The following SMYD2 variants were observed in gnomAD, a reference collection of about 807,000 sequenced individuals.
SMYD2 encodes SET and MYND domain containing 2, also known as N-lysine methyltransferase SMYD2.
In SMYD2, 53 loss-of-function variants were observed where a neutral mutation model predicts 59.1. The observed-to-expected ratio is 0.90, with a 90% CI of 0.72 to 1.13. The LOEUF is 1.13. Among genes scored for constraint, SMYD2 ranks in the 50% most tolerant of loss-of-function variants. The pLI, the probability that SMYD2 is intolerant of heterozygous loss-of-function variation, is 0.00. For missense variants in SMYD2, 494 were observed against 544.7 expected, an observed-to-expected ratio of 0.91 and a Z score of 0.93; for synonymous variants, 208 against 198.8, an observed-to-expected ratio of 1.05 and a Z score of -0.39.
Position 214,318,105 on chromosome 1 carries a change from G to A in SMYD2, c.375G>A (p.Ser125=), listed in dbSNP as rs773391985. ...KQKIHPERTP[S]EKLLAVKEFE... ...AAATCCACCCAGAGAGAACACCTTCGGAAAAATTGTTAGCTGTGAAGGAGT... is the reference window on the plus strand; with the variant it reads ...AAATCCACCCAGAGAGAACACCTTCAGAAAAATTGTTAGCTGTGAAGGAGT... The change falls in exon 4 of 12, where the codon TCG becomes TCA. Residue 125 remains serine (S), a synonymous_variant. Coordinates refer to ENST00000366957, the MANE Select transcript of SMYD2 (RefSeq NM_020197.3). This position sits in a 1 kb window ranked among gnomAD's most constrained non-coding sequence, Gnocchi z 5.4. 7.4e-6 allele frequency: 12 copies of A among 1,613,770 alleles called. No individual in the cohort carries two copies. Among genetic ancestry groups the A allele is most frequent in the South Asian group, 5.5e-5 (5 of 90,998 alleles).
intron 10 of SMYD2, chr1:214,332,700 C>G (rs1256567526): frequency 6.5e-6 from 1 of 153,426 alleles, no homozygotes; most frequent in Non-Finnish European, 1.5e-5. Context: ...ACAAAAATTG[C>G]TTTTTAATTT....
chr1:214,313,600 T>G (rs765625283), intron 2 of SMYD2, among the ~76,000 whole-genome samples: 1 of 152,154 alleles, frequency 6.6e-6, no homozygotes, highest in Non-Finnish European at 1.5e-5. Flanking sequence ...CTGTCATTTC[T>G]TACCCCATCA....
At position 214,332,088 on chromosome 1, in the gene SMYD2, C is replaced by G; in HGVS notation, c.1008C>G (p.Asn336Lys). The change falls in exon 10 of 12, where the codon AAC becomes AAG. Residue 336 changes from asparagine to lysine, a missense_variant. By Grantham distance (94) the Asn-to-Lys change is moderately conservative. Coordinates refer to ENST00000366957, the MANE Select transcript of SMYD2 (RefSeq NM_020197.3). ...EKMSSVFEDS[N>K]VYMLHMMYQA... Reference sequence around the variant, plus strand: ...TGAGCTCTGTGTTTGAGGACAGTAACGTGTACATGTTGCACATGATGTACC... The same window carrying G: ...TGAGCTCTGTGTTTGAGGACAGTAAGGTGTACATGTTGCACATGATGTACC... 1 of 1,614,118 alleles carries G rather than the reference C, an allele frequency of 6.2e-7. No individual in the cohort carries two copies. Among genetic ancestry groups the G allele is most frequent in the South Asian group, 1.1e-5 (1 of 91,076 alleles).
chr1:214,302,817 C>T (rs1056998339), intron 1 of SMYD2, among the ~76,000 whole-genome samples: 1 of 152,176 alleles, frequency 6.6e-6, no homozygotes, highest in Non-Finnish European at 1.5e-5. Flanking sequence ...AACTTTACTA[C>T]TGGTTTCTGT....
chr1:214,297,573 T>C (rs750814530), intron 1 of SMYD2, among the ~76,000 whole-genome samples: 9 of 152,152 alleles, frequency 5.9e-5, no homozygotes, highest in Non-Finnish European at 1.3e-4. Flanking sequence ...CAAGCACATA[T>C]ACTGCACATA....
At chr1:214,326,797 C>A (rs1657271100) in intron 6 of SMYD2, among the ~76,000 whole-genome samples, 2 of 152,112 alleles carry the variant, frequency 1.3e-5, no homozygotes, top group Non-Finnish European at 1.5e-5. Context: ...GCCACCAGAG[C>A]AATGACACAC....
chr1:214,309,480 A>G (rs897077967), intron 2 of SMYD2, among the ~76,000 whole-genome samples: 6 of 152,224 alleles, frequency 3.9e-5, no homozygotes, highest in Non-Finnish European at 8.8e-5. Context: ...TCTTAACTCT[A>G]ATGAATGTAA....
intron 5 of SMYD2, among the ~76,000 whole-genome samples, chr1:214,319,903 T>G (rs1208836512): frequency 6.6e-6 from 1 of 152,240 alleles, no homozygotes; most frequent in Non-Finnish European, 1.5e-5. Context: ...TGTCTTAGAA[T>G]AGAATAAGCA....
intron 1 of SMYD2, 44 bp from the exon 2 acceptor site, chr1:214,305,143 G>A (rs992059764): frequency 2.5e-6 from 4 of 1,577,914 alleles, no homozygotes; most frequent in East Asian, 2.2e-5. Flanking sequence ...ACAGCTTCAC[G>A]TTTCTGTGTC....
chr1:214,310,091 A>G (rs1248709024), intron 2 of SMYD2, among the ~76,000 whole-genome samples: 2 of 152,238 alleles, frequency 1.3e-5, no homozygotes, highest in African/African-American at 4.8e-5. Context: ...TCATGATGAA[A>G]ATCCAGTCTC....
chr1:214,282,711 GA>G (rs1656469946), intron 1 of SMYD2, among the ~76,000 whole-genome samples: 1 of 151,990 alleles, frequency 6.6e-6, no homozygotes, highest in Non-Finnish European at 1.5e-5. Flanking sequence ...CGCTTGGGGG[GA>G]CCTGGAAAGG....
At position 214,291,720 on chromosome 1, in the gene SMYD2, C is replaced by T. The variant is rs562071774; in HGVS notation, c.173+10293C>T. On this transcript the variant is annotated intron_variant, in intron 1 of 11. Transcript: ENST00000366957. ...AGGAAAGACATCACATCTTTCCAGT[C>T]CTACAACTACAACACCCTGTCTCAT... Among the ~76,000 whole-genome samples, 30 of 152,266 alleles carry T rather than the reference C, an allele frequency of 2.0e-4. 1 individual carries two copies. In the South Asian group the frequency reaches 6.0e-3, roughly 31 times the overall value.
At chr1:214,290,526 G>A (rs1656619156) in intron 1 of SMYD2, among the ~76,000 whole-genome samples, 1 of 152,154 alleles carries the variant, frequency 6.6e-6, no homozygotes, top group Non-Finnish European at 1.5e-5. Context: ...AAATGAATGC[G>A]TGCTATAATA....
chr1:214,336,411 G>A (rs1156785876), intron 11 of SMYD2, among the ~76,000 whole-genome samples: 4 of 152,044 alleles, frequency 2.6e-5, no homozygotes, highest in South Asian at 2.1e-4. Context: ...GGGCGCCTGT[G>A]GTCCCAGCTA....
Position 214,327,637 on chromosome 1 carries a change from T to C in SMYD2, c.618T>C (p.Asn206=), listed in dbSNP as rs1369604332. 1 of 1,614,186 alleles carries C rather than the reference T, an allele frequency of 6.2e-7. No homozygotes were observed. The highest frequency in any genetic ancestry group is 1.1e-5 in the South Asian group (1 of 91,086). ...SAIFPDVALM[N]HSCCPNVIVT... is the part of the protein sequence containing the mutation. ...TGACTGACAGTGTTGCATTGATGAA[T>C]CATAGCTGTTGCCCCAATGTCATTG... is the stretch of plus-strand genomic sequence containing the variant. The change falls in exon 7 of 12, where the codon AAT becomes AAC. Residue 206 remains asparagine, a synonymous_variant. Transcript: ENST00000366957.
In SMYD2 at chr1:214,281,195, A is replaced by G. The variant is rs1270549098; in HGVS notation, c.-60A>G. 13 of 1,194,178 alleles carry G rather than the reference A, an allele frequency of 1.1e-5. No homozygotes were observed. Among genetic ancestry groups the G allele is most frequent in the Non-Finnish European group, 1.3e-5 (12 of 957,332 alleles). 74.0% of individuals were successfully genotyped at this position (1,194,178 alleles called of 1,614,324 possible). On this transcript the variant is annotated 5_prime_UTR_variant, in exon 1 of 12. Transcript: ENST00000366957. Reference sequence around the variant, plus strand: ...CGCAGCTCTAGGTGACGCGTCTCCAATAACAGCTCGCCGGGAGCCGCAGCT... The same window carrying G: ...CGCAGCTCTAGGTGACGCGTCTCCAGTAACAGCTCGCCGGGAGCCGCAGCT...
At chr1:214,285,371 T>C (rs1406187844) in intron 1 of SMYD2, among the ~76,000 whole-genome samples, 1 of 152,202 alleles carries the variant, frequency 6.6e-6, no homozygotes, top group African/African-American at 2.4e-5. Context: ...CCTGAAGCTG[T>C]GCATGAGAAG....
chr1:214,325,474 G>A (rs971159547), intron 6 of SMYD2, among the ~76,000 whole-genome samples: 1 of 152,232 alleles, frequency 6.6e-6, no homozygotes, highest in African/African-American at 2.4e-5. Context: ...TATCCAGAGG[G>A]AGGTTGCTTA....
At chr1:214,292,583 A>G (rs150146219) in intron 1 of SMYD2, among the ~76,000 whole-genome samples, 5 of 152,322 alleles carry the variant, frequency 3.3e-5, no homozygotes, top group South Asian at 4.2e-4. Flanking sequence ...TGCGAAATAT[A>G]TTAGTCTCAT....
Sources: gnomAD v4.1 joint callset for allele counts (sites outside exome capture counted in the v4.1 genomes callset) on GRCh38, gnomAD v4.1.1 for gene constraint, Gnocchi (gnomAD v3.1) non-coding constraint, MANE v1.5 for transcripts, NCBI Gene and HGNC (gene_info 2026-07-23, HGNC 2026-07-21) for gene names.